IL19: variants seen among roughly 807,000 people sequenced by gnomAD.
IL19 encodes interleukin-19.
IL19 carries 15 observed loss-of-function variants against 19.5 expected under a neutral mutation model. The ratio of observed to expected loss-of-function variants is 0.77; its 90% CI spans 0.52 to 1.19. The LOEUF is 1.19. Among genes scored for constraint, IL19 ranks in the 50% most tolerant of loss-of-function variants. The probability of loss-of-function intolerance (pLI) is 0.00; values close to 1 mark genes in which losing one functional copy is unlikely to be tolerated. For synonymous variants in IL19, 78 were observed against 78.3 expected (o/e 1.00, Z 0.02); for missense variants, 199 against 213.1 (o/e 0.93, Z 0.41).
chr1:206,782,827 G>T lies in IL19; in HGVS notation c.-149+11749G>T, dbSNP rs569997647. Among the ~76,000 whole-genome samples, 15 of 152,222 alleles carry T rather than the reference G, an allele frequency of 9.9e-5. 3 individuals carry two copies. The highest frequency in any genetic ancestry group is 2.6e-4 in the African/African-American group (11 of 41,522). On this transcript the variant is annotated intron_variant, in intron 1 of 6. Transcript: ENST00000659997. Reference sequence around the variant, plus strand: ...AGGCTCTACTGCAGGCTTATTTTGGGCTCTGCTTTCTTCTTCTGCCTTTTA... The same window carrying T: ...AGGCTCTACTGCAGGCTTATTTTGGTCTCTGCTTTCTTCTTCTGCCTTTTA...
At chr1:206,814,627 G>A (rs1490662727) in intron 2 of IL19, among the ~76,000 whole-genome samples, 2 of 151,722 alleles carry the variant, frequency 1.3e-5, no homozygotes, top group South Asian at 2.1e-4. Context: ...CTGGGAGGTG[G>A]AGGTTGTAGT....
chr1:206,802,931 G>A lies in IL19; in HGVS notation c.-3+3925G>A, dbSNP rs139824509. Among the ~76,000 whole-genome samples, 346 of 152,344 alleles carry A rather than the reference G, an allele frequency of 2.3e-3. 2 individuals carry two copies. Among genetic ancestry groups the A allele is most frequent in the African/African-American group, 7.9e-3 (329 of 41,578 alleles). ...GGAATGTCAAAGAAATAAGGGGCCT[G>A]GCCAATATCTCAAGAACAGAAGCAG... On this transcript the variant is annotated intron_variant, in intron 2 of 6. Coordinates refer to ENST00000659997, the MANE Select transcript of IL19 (RefSeq NM_153758.5).
chr1:206,836,924 T>A (rs770842658), intron 3 of IL19, 34 bp from the exon 4 acceptor site: 9 of 1,607,074 alleles, frequency 5.6e-6, no homozygotes, highest in African/African-American at 1.3e-5. Flanking sequence ...AGGATACCGA[T>A]TGCTTATGTC....
intron 1 of IL19, among the ~76,000 whole-genome samples, chr1:206,784,340 C>T (rs538534336): frequency 2.6e-4 from 39 of 152,306 alleles, no homozygotes; most frequent in Admixed American, 4.6e-4. Context: ...TCGGCAGGAG[C>T]GAGCGAACAT....
At chr1:206,806,219 G>A (rs1327738008) in intron 2 of IL19, among the ~76,000 whole-genome samples, 2 of 152,160 alleles carry the variant, frequency 1.3e-5, no homozygotes, top group African/African-American at 4.8e-5. Context: ...ATGAGAGGAT[G>A]GGTCAGCTTT....
At chr1:206,803,816 A>C (rs2102462818) in intron 2 of IL19, among the ~76,000 whole-genome samples, 1 of 152,274 alleles carries the variant, frequency 6.6e-6, no homozygotes, top group East Asian at 1.9e-4. Flanking sequence ...AGCTTTAACA[A>C]ATAGAGATGC....
At chr1:206,804,530 G>T (rs1675794856) in intron 2 of IL19, among the ~76,000 whole-genome samples, 1 of 152,334 alleles carries the variant, frequency 6.6e-6, no homozygotes, top group Non-Finnish European at 1.5e-5. Context: ...AGTGTGCATT[G>T]TGTGAGTCAT....
intron 2 of IL19, among the ~76,000 whole-genome samples, chr1:206,830,894 A>C (rs981876135): frequency 1.3e-5 from 2 of 152,144 alleles, no homozygotes; most frequent in Admixed American, 6.6e-5. Flanking sequence ...CTTTTTTTAC[A>C]AATTCGTTCT....
chr1:206,838,247 A>G (rs1248211935), intron 4 of IL19, among the ~76,000 whole-genome samples: 1 of 152,220 alleles, frequency 6.6e-6, no homozygotes, highest in Non-Finnish European at 1.5e-5. Flanking sequence ...ATTTTACAAA[A>G]AGGCCCATGA....
At chr1:206,805,802 T>C (rs1051596681) in intron 2 of IL19, among the ~76,000 whole-genome samples, 1 of 152,196 alleles carries the variant, frequency 6.6e-6, no homozygotes, top group Non-Finnish European at 1.5e-5. Flanking sequence ...TTAAGTAAAA[T>C]CTTATTTTAA....
intron 5 of IL19, 24 bp from the exon 6 acceptor site, chr1:206,840,980 G>A (rs1436863563): frequency 5.6e-6 from 9 of 1,606,476 alleles, no homozygotes; most frequent in Middle Eastern, 3.3e-4. Context: ...TCCTCTGATA[G>A]GAGCTTCCTC....
intron 2 of IL19, among the ~76,000 whole-genome samples, chr1:206,832,246 A>C (rs1425477259): frequency 6.6e-6 from 1 of 152,252 alleles, no homozygotes; most frequent in African/African-American, 2.4e-5. Context: ...GGATAGAAAT[A>C]CATAATATTT....
chr1:206,821,681 A>G (rs114130075), intron 2 of IL19, among the ~76,000 whole-genome samples: 443 of 152,364 alleles, frequency 2.9e-3, no homozygotes, highest in Non-Finnish European at 5.2e-3. Flanking sequence ...AGGTGGATGC[A>G]GGGATCACCA....
In IL19 at chr1:206,793,777, A is replaced by G. The variant is rs1041197560; in HGVS notation, c.-148-5084A>G. ...TAACGCCACTCGATTAGTCACAGTCATAGTTCGAGTGCTTGTTATGATAAC... is the reference window on the plus strand; with the variant it reads ...TAACGCCACTCGATTAGTCACAGTCGTAGTTCGAGTGCTTGTTATGATAAC... On this transcript the variant is annotated intron_variant, in intron 1 of 6. Coordinates refer to ENST00000659997, the MANE Select transcript of IL19 (RefSeq NM_153758.5). Among the ~76,000 whole-genome samples the G allele has an allele frequency of 2.6e-5, 4 of 152,374 alleles. No individual in the cohort carries two copies. The East Asian group carries it at 7.7e-4, about 29-fold the overall frequency.
intron 1 of IL19, among the ~76,000 whole-genome samples, chr1:206,775,210 T>A (rs1350832444): frequency 6.6e-6 from 1 of 151,878 alleles, no homozygotes; most frequent in African/African-American, 2.4e-5. Context: ...CCGGCTAAGT[T>A]TTTTTATTTT....
intron 1 of IL19, among the ~76,000 whole-genome samples, chr1:206,784,936 T>C (rs1675234779): frequency 6.6e-6 from 1 of 152,090 alleles, no homozygotes; most frequent in Admixed American, 6.5e-5. Context: ...TAAATTCCCT[T>C]GAGAGAGGTG....
chr1:206,808,359 C>T (rs1170551558), intron 2 of IL19, among the ~76,000 whole-genome samples: 2 of 152,040 alleles, frequency 1.3e-5, no homozygotes, highest in Admixed American at 1.3e-4. Context: ...AAAAAACAAA[C>T]CATACCAAAC....
chr1:206,809,184 T>C (rs1010056667), intron 2 of IL19, among the ~76,000 whole-genome samples: 1 of 152,216 alleles, frequency 6.6e-6, no homozygotes, highest in Non-Finnish European at 1.5e-5. Context: ...GCAGCAGACC[T>C]GGGCTGGAAT....
chr1:206,777,394 G>A (rs1426046259), intron 1 of IL19, among the ~76,000 whole-genome samples: 3 of 142,664 alleles, frequency 2.1e-5, no homozygotes, highest in Admixed American at 1.4e-4. Context: ...GCGACAGAGC[G>A]AGACTCCGTC....
Sources: allele counts gnomAD v4.1 joint callset (sites outside exome capture counted in the v4.1 genomes callset), GRCh38; gene constraint gnomAD v4.1.1; transcripts MANE v1.5; gene names NCBI Gene and HGNC (gene_info 2026-07-23, HGNC 2026-07-21).